The following LRRTM4 variants were observed in gnomAD, a reference collection of about 807,000 sequenced individuals.
LRRTM4 encodes leucine rich repeat transmembrane neuronal 4, also known as leucine-rich repeat transmembrane neuronal protein 4.
A neutral mutation model predicts 47.6 loss-of-function variants in LRRTM4; 25 were observed. That is an observed-to-expected ratio of 0.53 (90% confidence interval 0.38 to 0.73). The LOEUF (loss-of-function observed/expected upper bound fraction) is 0.73. LRRTM4 is among the 30% of genes least tolerant of loss of function. The pLI is 0.00. For missense variants in LRRTM4, 638 were observed against 713.4 expected (o/e 0.89, Z 1.20); for synonymous variants, 311 against 269.5 (o/e 1.15, Z -1.51).
At chr2:76,957,534 A>G (rs1675713435) in intron 3 of LRRTM4, among the ~76,000 whole-genome samples, 1 of 151,746 alleles carries the variant, frequency 6.6e-6, no homozygotes, top group Non-Finnish European at 1.5e-5. Context: ...TGGAGATTCT[A>G]TTTAAATTTT....
intron 3 of LRRTM4, among the ~76,000 whole-genome samples, chr2:76,926,161 T>A (rs1674583566): frequency 6.6e-6 from 1 of 152,184 alleles, no homozygotes; most frequent in African/African-American, 2.4e-5. Flanking sequence ...ATTGTAATGT[T>A]TTTCATTCAA....
chr2:76,891,852 GAT>G (rs1673265975), intron 3 of LRRTM4, among the ~76,000 whole-genome samples: 1 of 151,382 alleles, frequency 6.6e-6, no homozygotes, highest in South Asian at 2.1e-4. Context: ...AAAGATAAAA[GAT>G]TCATTAATTT....
At chr2:76,979,021 G>T (rs1291403707) in intron 3 of LRRTM4, among the ~76,000 whole-genome samples, 1 of 152,012 alleles carries the variant, frequency 6.6e-6, no homozygotes, top group Admixed American at 6.6e-5. Flanking sequence ...TGGAGGAAAA[G>T]GACTTTGTTA....
Position 76,858,512 on chromosome 2 carries a change from A to G in LRRTM4, c.1552-109596T>C, listed in dbSNP as rs1043704465. Among the ~76,000 whole-genome samples, 7 of 152,064 alleles carry G rather than the reference A, an allele frequency of 4.6e-5. No individual in the cohort carries two copies. The South Asian group carries it at 8.3e-4, about 18-fold the overall frequency. On this transcript the variant is annotated intron_variant, in intron 3 of 3. Transcript: ENST00000409884. ...TAGGTCCTCGGGGAGGAGTGGGGCT[A>G]TATGTTTTGTTTCTATGGGGAACTG...
At chr2:77,052,150 CTTTTTTTTTTTT>C (rs70939841) in intron 3 of LRRTM4, among the ~76,000 whole-genome samples, 3 of 63,598 alleles carry the variant, frequency 4.7e-5, no homozygotes, top group African/African-American at 1.4e-4. Flanking sequence ...GTTACATTTC[CTTTTTTTTTTTT>C]TTTTTTTTTT....
chr2:77,015,005 CTTG>C (rs1289833891), intron 3 of LRRTM4, among the ~76,000 whole-genome samples: 2 of 151,878 alleles, frequency 1.3e-5, no homozygotes, highest in Non-Finnish European at 2.9e-5. Context: ...GTGAAGGTAT[CTTG>C]TTGATGTGAT....
chr2:77,360,136 A>C (rs1240007916), intron 3 of LRRTM4, among the ~76,000 whole-genome samples: 1 of 152,184 alleles, frequency 6.6e-6, no homozygotes, highest in Non-Finnish European at 1.5e-5. Flanking sequence ...CATTCAGCTG[A>C]TATGAGTTGA....
chr2:76,941,551 G>A (rs1054709878), intron 3 of LRRTM4, among the ~76,000 whole-genome samples: 2 of 151,546 alleles, frequency 1.3e-5, no homozygotes, highest in Admixed American at 6.6e-5. Context: ...ACTTATGAGT[G>A]AGAACATGCG....
intron 3 of LRRTM4, among the ~76,000 whole-genome samples, chr2:77,485,975 G>C (rs1272302330): frequency 6.6e-6 from 1 of 151,864 alleles, no homozygotes; most frequent in Non-Finnish European, 1.5e-5. Context: ...CTGTGCTCAA[G>C]CTATCCGTCT....
intron 3 of LRRTM4, among the ~76,000 whole-genome samples, chr2:77,226,020 AT>A (rs1268202346): frequency 6.6e-6 from 1 of 151,832 alleles, no homozygotes; most frequent in African/African-American, 2.4e-5. Flanking sequence ...TTTATTTAAT[AT>A]TAAAAATATT....
At chr2:77,307,229 T>C (rs1043938892) in intron 3 of LRRTM4, among the ~76,000 whole-genome samples, 8 of 152,014 alleles carry the variant, frequency 5.3e-5, no homozygotes, top group African/African-American at 1.9e-4. Context: ...CTTTGAGTTC[T>C]AAAATTTGAT....
At chr2:77,448,711 A>G (rs1345012966) in intron 3 of LRRTM4, among the ~76,000 whole-genome samples, 1 of 152,206 alleles carries the variant, frequency 6.6e-6, no homozygotes, top group Non-Finnish European at 1.5e-5. Flanking sequence ...AAGTAGAAAT[A>G]CCAGGTTGTA....
intron 3 of LRRTM4, among the ~76,000 whole-genome samples, chr2:76,915,500 T>G (rs997872576): frequency 2.6e-5 from 4 of 152,174 alleles, no homozygotes; most frequent in Admixed American, 2.0e-4. Flanking sequence ...TTCTGACATA[T>G]TACTAGAGTT....
chr2:76,965,893 C>T (rs78716858), intron 3 of LRRTM4, among the ~76,000 whole-genome samples: 4,522 of 151,252 alleles, frequency 0.03, 91 homozygotes, highest in Non-Finnish European at 0.046. Flanking sequence ...AAGTGAAAAC[C>T]GAGTATCTAA....
chr2:77,422,449 A>G (rs1407468417), intron 3 of LRRTM4, among the ~76,000 whole-genome samples: 1 of 152,220 alleles, frequency 6.6e-6, no homozygotes, highest in Non-Finnish European at 1.5e-5. Flanking sequence ...TCCATACTTT[A>G]AGATACTCTA....
At chr2:76,885,462 C>CTTTTTT (rs775279021) in intron 3 of LRRTM4, among the ~76,000 whole-genome samples, 1 of 135,596 alleles carries the variant, frequency 7.4e-6, no homozygotes, top group African/African-American at 2.7e-5. Context: ...CAAAAACATG[C>CTTTTTT]TTTTTTTTTT....
chr2:76,986,880 G>T (rs142377636), intron 3 of LRRTM4, among the ~76,000 whole-genome samples: 1 of 151,806 alleles, frequency 6.6e-6, no homozygotes, highest in Non-Finnish European at 1.5e-5. Flanking sequence ...AATAAACATG[G>T]CAAATACATT....
At position 76,997,076 on chromosome 2, in the gene LRRTM4, T is replaced by C. The variant is rs76017797; in HGVS notation, c.1552-248160A>G. On this transcript the variant is annotated intron_variant, in intron 3 of 3. Coordinates refer to ENST00000409884, the MANE Select transcript of LRRTM4 (RefSeq NM_001134745.3). The stretch of plus-strand genomic sequence containing the variant: ...TTATGCAGAGCTAGATTTTTTTAGA[T>C]AGCTTTCTCAGAATGTCTTATTTCA... Among the ~76,000 whole-genome samples, 1,187 of 152,242 alleles carry C rather than the reference T, an allele frequency of 7.8e-3. 19 individuals are homozygous for C. Among genetic ancestry groups the C allele is most frequent in the African/African-American group, 0.027 (1,134 of 41,556 alleles).
At chr2:77,104,666 ACCT>A (rs1203289287) in intron 3 of LRRTM4, among the ~76,000 whole-genome samples, 2 of 151,962 alleles carry the variant, frequency 1.3e-5, no homozygotes, top group African/African-American at 2.4e-5. Context: ...GAATATTGAA[ACCT>A]CCTCAAACAG....
Sources: allele counts gnomAD v4.1 joint callset (sites outside exome capture counted in the v4.1 genomes callset), GRCh38; gene constraint gnomAD v4.1.1; transcripts MANE v1.5; gene names NCBI Gene and HGNC (gene_info 2026-07-23, HGNC 2026-07-21).